Variants in CNTN5 observed in about 807,000 individuals in gnomAD.
CNTN5 encodes contactin-5.
In CNTN5, 77 loss-of-function variants were observed where a neutral mutation model predicts 129.1. That is an observed-to-expected ratio of 0.60 (90% CI 0.50 to 0.72). The LOEUF (loss-of-function observed/expected upper bound fraction) is 0.72. Ranked by LOEUF, CNTN5 falls within the 30% of genes least tolerant of loss-of-function variation. CNTN5 has a pLI of 0.00. For synonymous variants in CNTN5, 509 were observed against 465.6 expected, an observed-to-expected ratio of 1.09 and a Z score of -1.20; for missense variants, 1,478 against 1,328.8, an observed-to-expected ratio of 1.11 and a Z score of -1.75.
At chr11:99,690,253 A>T (rs1193400214) in intron 3 of CNTN5, among the ~76,000 whole-genome samples, 1 of 152,028 alleles carries the variant, frequency 6.6e-6, no homozygotes, top group Non-Finnish European at 1.5e-5. Context: ...ATGTGGCTTT[A>T]GTTTTGGGTT....
At chr11:99,516,059 A>G (rs912441889) in intron 2 of CNTN5, among the ~76,000 whole-genome samples, 1 of 151,930 alleles carries the variant, frequency 6.6e-6, no homozygotes, top group Non-Finnish European at 1.5e-5. Context: ...TTCACATATG[A>G]TTATGTTATG....
intron 1 of CNTN5, among the ~76,000 whole-genome samples, chr11:99,121,120 G>GTTCTTTCTTTCTTTCT (rs1365908774): frequency 1.2e-4 from 18 of 144,804 alleles, no homozygotes; most frequent in East Asian, 4.0e-4. Flanking sequence ...GGTTTTAACT[G>GTTCTTTCTTTCTTTCT]TTCTTTCTTT....
intron 15 of CNTN5, among the ~76,000 whole-genome samples, chr11:100,213,659 T>G (rs1279639719): frequency 6.6e-6 from 1 of 152,224 alleles, no homozygotes; most frequent in East Asian, 1.9e-4. Flanking sequence ...GATTGACACA[T>G]CTATTCAAAT....
intron 1 of CNTN5, among the ~76,000 whole-genome samples, chr11:99,183,694 C>A (rs951422326): frequency 6.6e-6 from 1 of 152,030 alleles, no homozygotes; most frequent in African/African-American, 2.4e-5. Context: ...CTCAGGTAAT[C>A]TCATTTACTC....
chr11:99,829,009 C>T (rs1947055819), intron 4 of CNTN5, among the ~76,000 whole-genome samples: 1 of 151,976 alleles, frequency 6.6e-6, no homozygotes, highest in Non-Finnish European at 1.5e-5. Flanking sequence ...ATTTTAGCAA[C>T]AAAAGCTATT....
chr11:99,974,182 C>G (rs1371352266), intron 8 of CNTN5, among the ~76,000 whole-genome samples: 3 of 152,194 alleles, frequency 2.0e-5, no homozygotes, highest in Non-Finnish European at 4.4e-5. Context: ...AGCAAAACAG[C>G]ATTTTGAGCT....
At chr11:99,803,193 C>A (rs1946166108) in intron 3 of CNTN5, among the ~76,000 whole-genome samples, 1 of 152,184 alleles carries the variant, frequency 6.6e-6, no homozygotes, top group Non-Finnish European at 1.5e-5. Flanking sequence ...TCTTCCTGAG[C>A]ATGGAGTAGA....
chr11:99,513,666 C>T (rs574071698), intron 2 of CNTN5, among the ~76,000 whole-genome samples: 1 of 152,044 alleles, frequency 6.6e-6, no homozygotes, highest in South Asian at 2.1e-4. Flanking sequence ...GCTTGAATGA[C>T]AGTTCACATG....
chr11:99,677,542 C>T (rs1953344725), intron 3 of CNTN5, among the ~76,000 whole-genome samples: 1 of 152,146 alleles, frequency 6.6e-6, no homozygotes, highest in Non-Finnish European at 1.5e-5. Context: ...TCATGCTGAT[C>T]TAGTTACTTT....
chr11:99,784,143 C>A (rs890463661), intron 3 of CNTN5, among the ~76,000 whole-genome samples: 3 of 152,066 alleles, frequency 2.0e-5, no homozygotes, highest in Admixed American at 1.3e-4. Flanking sequence ...AGGTTCAGAA[C>A]TTTTTACTAT....
At position 99,888,556 on chromosome 11, in the gene CNTN5, G is replaced by A. The variant is rs941904135; in HGVS notation, c.578-27498G>A. Among the ~76,000 whole-genome samples, 59 of 152,080 alleles carry A rather than the reference G, an allele frequency of 3.9e-4. 1 individual carries two copies. The highest frequency in any genetic ancestry group is 2.9e-3 in the East Asian group (15 of 5,184). On this transcript the variant is annotated intron_variant, in intron 6 of 24. Coordinates refer to ENST00000524871, the MANE Select transcript of CNTN5 (RefSeq NM_014361.4). ...CAGGGTACCATCGGGGAAACATCTG[G>A]GGCATCAAGAAAGAGAGCTGAAACA...
At chr11:99,477,118 A>G (rs183103702) in intron 2 of CNTN5, among the ~76,000 whole-genome samples, 1 of 151,922 alleles carries the variant, frequency 6.6e-6, no homozygotes, top group Admixed American at 6.6e-5. Flanking sequence ...AATTTGAAAA[A>G]ATATTTAGTT....
intron 6 of CNTN5, among the ~76,000 whole-genome samples, chr11:99,910,807 T>C (rs1225823489): frequency 6.6e-6 from 1 of 152,070 alleles, no homozygotes; most frequent in African/African-American, 2.4e-5. Context: ...TCAAAAATAG[T>C]TTGTGAATGA....
intron 13 of CNTN5, among the ~76,000 whole-genome samples, chr11:100,128,234 C>T (rs888457987): frequency 2.6e-5 from 4 of 152,116 alleles, no homozygotes; most frequent in Non-Finnish European, 5.9e-5. Context: ...CTTATTCTCC[C>T]TCCTTTTTTC....
At chr11:99,574,535 C>G (rs2851612) in intron 3 of CNTN5, among the ~76,000 whole-genome samples, 148,077 of 152,314 alleles carry the variant, frequency 0.97, 72,121 homozygotes, top group East Asian at 1. Flanking sequence ...AGTATAAAAA[C>G]TTTTCCTTAT....
intron 9 of CNTN5, among the ~76,000 whole-genome samples, chr11:100,022,099 C>T (rs1312474390): frequency 6.6e-6 from 1 of 152,176 alleles, no homozygotes; most frequent in Non-Finnish European, 1.5e-5. Flanking sequence ...ATGTTAATCT[C>T]TTCTGGCAAC....
At chr11:99,355,605 A>G (rs1278043944) in intron 2 of CNTN5, among the ~76,000 whole-genome samples, 1 of 152,092 alleles carries the variant, frequency 6.6e-6, no homozygotes, top group Non-Finnish European at 1.5e-5. Flanking sequence ...TAGAAAAAGT[A>G]GAGTGTTTTT....
chr11:99,554,990 A>G (rs953236732), intron 2 of CNTN5, among the ~76,000 whole-genome samples: 1 of 152,016 alleles, frequency 6.6e-6, no homozygotes, highest in African/African-American at 2.4e-5. Context: ...TATTGTCTTA[A>G]CTTTCTTCTC....
At chr11:99,963,565 G>A (rs1168324351) in intron 8 of CNTN5, among the ~76,000 whole-genome samples, 1 of 152,182 alleles carries the variant, frequency 6.6e-6, no homozygotes, top group Non-Finnish European at 1.5e-5. Context: ...CTGTAACCTT[G>A]TGGTATAGTT....
Sources: allele counts gnomAD v4.1 joint callset (sites outside exome capture counted in the v4.1 genomes callset), GRCh38; gene constraint gnomAD v4.1.1; transcripts MANE v1.5; gene names NCBI Gene and HGNC (gene_info 2026-07-23, HGNC 2026-07-21).